Variants in KHSRP observed in about 807,000 individuals in gnomAD.
KHSRP encodes KH-type splicing regulatory protein, also known as far upstream element-binding protein 2.
A neutral mutation model predicts 94.9 loss-of-function variants in KHSRP; 13 were observed. That is an observed-to-expected ratio of 0.14 (90% confidence interval 0.09 to 0.22). The LOEUF is 0.22. Among genes scored for constraint, KHSRP ranks in the 10% least tolerant of loss-of-function variants. KHSRP has a pLI of 1.00. For synonymous variants in KHSRP, 495 were observed against 401.4 expected (o/e 1.23, Z -2.79); for missense variants, 710 against 1,010.0 (o/e 0.70, Z 4.03).
chr19:6,414,018 C>A lies in KHSRP; in HGVS notation c.*1006G>T. Reference sequence around the variant, plus strand: ...CCCCAGTACTCCCCACGGCAGCCATCGCTCTCTCGCCAAACAAAACAGAAG... The same window carrying A: ...CCCCAGTACTCCCCACGGCAGCCATAGCTCTCTCGCCAAACAAAACAGAAG... On this transcript the variant is annotated 3_prime_UTR_variant, in exon 19 of 19. Transcript: ENST00000600480. 5 of 1,493,072 alleles carry A rather than the reference C, an allele frequency of 3.3e-6. No individual in the cohort carries two copies. Among genetic ancestry groups the A allele is most frequent in the South Asian group, 1.3e-5 (1 of 77,660 alleles). The allele number at this position is 1,493,072 out of a possible 1,614,324, so 92.5% of individuals were successfully genotyped here.
chr19:6,417,198 G>A lies in KHSRP; in HGVS notation c.1082-111C>T, dbSNP rs552637900. 1.1e-4 allele frequency: 82 copies of A among 773,008 alleles called. 1 individual carries two copies. Among genetic ancestry groups the A allele is most frequent in the African/African-American group, 1.1e-3 (60 of 57,028 alleles). 47.9% of individuals were successfully genotyped at this position (773,008 alleles called of 1,614,324 possible). On this transcript the variant is annotated intron_variant, in intron 11 of 18. Coordinates refer to ENST00000600480, the MANE Select transcript of KHSRP (RefSeq NM_001366299.1). ...ACCACGCCGGCCTGAGATCTCAGAC[G>A]CGCTGCGCCGCTCCCAGCCTCCACT...
rs1298852249 is a variant in KHSRP at position 6,418,643 on chromosome 19, T to A, written c.780+59A>T. The A allele has an allele frequency of 1.9e-6, 3 of 1,612,926 alleles. No homozygotes were observed. The East Asian group carries it at 6.7e-5, about 36-fold the overall frequency. On this transcript the variant is annotated intron_variant, in intron 8 of 18. Transcript: ENST00000600480. This position sits in a 1 kb window ranked among gnomAD's most constrained non-coding sequence, Gnocchi z 4.3. The stretch of plus-strand genomic sequence containing the variant: ...CCCAGGACTTCCTGGGCTGCTGTGG[T>A]GGTGGCGGTGGGGTGTGGCACACGG...
At position 6,418,596 on chromosome 19, in the gene KHSRP, TTA is replaced by T; in HGVS notation, c.781-17_781-16del. On this transcript the variant is annotated splice_polypyrimidine_tract_variant and intron_variant, in intron 8 of 18. Transcript: ENST00000600480. The surrounding 1 kb of genome is among the most constrained non-coding windows in gnomAD (Gnocchi z 4.3). ...CCAGCGCGTTCCTTTACAAGCAAGG[TTA>T]ACCGTTAGTGCTGGGCTCTCCCAGG... The T allele has an allele frequency of 1.2e-6, 2 of 1,613,646 alleles. No individual in the cohort carries two copies. The highest frequency in any genetic ancestry group is 1.7e-6 in the Non-Finnish European group (2 of 1,179,578).
At chr19:6,420,797 C>T (rs2092190683) in intron 4 of KHSRP, among the ~76,000 whole-genome samples, 1 of 152,228 alleles carries the variant, frequency 6.6e-6, no homozygotes, top group Non-Finnish European at 1.5e-5. Flanking sequence ...TATGAAACTA[C>T]TGGCCCATTA....
chr19:6,413,361 C>A lies in KHSRP; in HGVS notation c.*1663G>T. The A allele has an allele frequency of 2.6e-6, 1 of 391,206 alleles. No individual in the cohort carries two copies. 24.2% of individuals were successfully genotyped at this position (391,206 alleles called of 1,614,324 possible). A position where few individuals can be genotyped will look rare whatever the true frequency, so the allele number is the denominator to read the frequency against. ...CCCGCAGACGGGGAGGTTTTGTTAT[C>A]ATTTATTTGTGAAGTTAAAAACGAG... On this transcript the variant is annotated 3_prime_UTR_variant, in exon 19 of 19. Transcript: ENST00000600480.
At chr19:6,421,954 C>G (rs975335642) in intron 2 of KHSRP, among the ~76,000 whole-genome samples, 6 of 152,216 alleles carry the variant, frequency 3.9e-5, no homozygotes, top group African/African-American at 4.8e-5. Context: ...GGACCTGCCT[C>G]TAGCAGGGAG....
chr19:6,421,568 T>A (rs527601873), intron 3 of KHSRP, 82 bp downstream of exon 3: 1 of 1,464,178 alleles, frequency 6.8e-7, no homozygotes, highest in East Asian at 2.3e-5. Context: ...AGCTGCCACC[T>A]CCTCAGTGCT....
chr19:6,420,238 C>A (rs544856426), intron 5 of KHSRP, 94 bp from the exon 6 acceptor site: 4 of 1,232,042 alleles, frequency 3.2e-6, no homozygotes, highest in Middle Eastern at 1.9e-4. Flanking sequence ...GCCCCTCTGA[C>A]GTTCAGGAGG....
chr19:6,414,433 G>A lies in KHSRP; in HGVS notation c.*591C>T, dbSNP rs370913316. 126 of 1,251,230 alleles carry A rather than the reference G, an allele frequency of 1.0e-4. No homozygotes were observed. In the Middle Eastern group the frequency reaches 2.2e-3, roughly 21 times the overall value. The allele number at this position is 1,251,230 out of a possible 1,614,324, so 77.5% of individuals were successfully genotyped here. A position where few individuals can be genotyped will look rare whatever the true frequency, so the allele number is the denominator to read the frequency against. On this transcript the variant is annotated 3_prime_UTR_variant, in exon 19 of 19. Coordinates refer to ENST00000600480, the MANE Select transcript of KHSRP (RefSeq NM_001366299.1). ...TCTCCGGAGGGCGGTGGCTCCCGGC[G>A]CAGCACGACGACATGAACAATCCAG...
At chr19:6,416,711 G>A in intron 13 of KHSRP, 27 bp downstream of exon 13, 3 of 1,610,736 alleles carry the variant, frequency 1.9e-6, no homozygotes, top group Non-Finnish European at 2.5e-6. Context: ...AGGGGGCAAG[G>A]GATAGGGTGC....
In KHSRP at chr19:6,415,051, G is replaced by T; in HGVS notation, c.2217C>A (p.Asn739Lys). 1 of 1,550,534 alleles carries T rather than the reference G, an allele frequency of 6.4e-7. No homozygotes were observed. Among genetic ancestry groups the T allele is most frequent in the South Asian group, 1.2e-5 (1 of 84,570 alleles). Residue 739 changes from asparagine (N) to lysine (K), a missense_variant, in exon 19 of 19, where the codon AAC becomes AAA. Around this residue, in one of 5 missense-constraint regions of KHSRP, gnomAD observed 292 missense variants for 340.5 expected, o/e 0.86. Coordinates refer to ENST00000600480, the MANE Select transcript of KHSRP (RefSeq NM_001366299.1). ...AAGGGCACACCCCGCAGGGGAAGGG[G>T]TTTCCGGCGCTACCCACTAAGGCAG... The part of the protein sequence containing the change: ...VHPALVGSAG[N>K]PFPCGVCP
chr19:6,420,278 C>G (rs1223859345), intron 5 of KHSRP, 134 bp from the exon 6 acceptor site: 1 of 1,163,008 alleles, frequency 8.6e-7, no homozygotes, highest in Non-Finnish European at 1.3e-6. Context: ...CTCCTGTCCT[C>G]TGCCCAGAGG....
chr19:6,417,983 C>A lies in KHSRP; in HGVS notation c.976G>T (p.Asp326Tyr). 1 of 1,613,838 alleles carries A rather than the reference C, an allele frequency of 6.2e-7. No individual in the cohort carries two copies. The highest frequency in any genetic ancestry group is 8.5e-7 in the Non-Finnish European group (1 of 1,179,750). Reference protein sequence around the residue: ...EYGSRIGGGIDVPVPRHSVGV... With the variant: ...EYGSRIGGGIYVPVPRHSVGV... Reference sequence around the variant, plus strand: ...GTGAAGGCAGGGCCCACACTCACATCGATGCCTCCGCCAATCCGAGATCCG... The same window carrying A: ...GTGAAGGCAGGGCCCACACTCACATAGATGCCTCCGCCAATCCGAGATCCG... Residue 326 changes from aspartate (D) to tyrosine (Y), a missense_variant and splice_region_variant, in exon 10 of 19, where the codon GAT (aspartate) becomes TAT (tyrosine). Physicochemically the swap from Asp to Tyr is radical, Grantham distance 160. Coordinates refer to ENST00000600480, the MANE Select transcript of KHSRP (RefSeq NM_001366299.1).
Position 6,416,854 on chromosome 19 carries a change from G to A in KHSRP, c.1211C>T (p.Pro404Leu), listed in dbSNP as rs929581838. ...RSGPPGPPGG[P>L]GMPPGGRGRG... ...GCCTCGGCCCCCCGGGGGCATGCCT[G>A]GACCCCCTGGAGGACCTGGGGGACC... Residue 404 changes from proline (P) to leucine (L), a missense_variant, in exon 13 of 19, where the codon CCA (proline) becomes CTA (leucine). Pro to Leu is a moderately conservative substitution (Grantham distance 98). Transcript: ENST00000600480. 8.7e-6 allele frequency: 14 copies of A among 1,604,170 alleles called. No homozygotes were observed. The highest frequency in any genetic ancestry group is 1.1e-5 in the South Asian group (1 of 90,234).
Position 6,418,982 on chromosome 19 carries a change from G to A in KHSRP, c.606-106C>T, listed in dbSNP as rs905756231. On this transcript the variant is annotated intron_variant, in intron 7 of 18. Transcript: ENST00000600480. The surrounding 1 kb of genome is among the most constrained non-coding windows in gnomAD (Gnocchi z 4.3). ...GGAAGGCGACCCCAGAGTGTGCAAG[G>A]ATGACAGGGAAGAGGGGCCAGTCAC... The A allele has an allele frequency of 2.3e-6, 3 of 1,280,694 alleles. No individual in the cohort carries two copies. Among genetic ancestry groups the A allele is most frequent in the South Asian group, 1.6e-5 (1 of 64,284 alleles). 79.3% of individuals were successfully genotyped at this position (1,280,694 alleles called of 1,614,324 possible). A position where few individuals can be genotyped will look rare whatever the true frequency, so the allele number is the denominator to read the frequency against.
At position 6,417,053 on chromosome 19, in the gene KHSRP, T is replaced by A. The variant is rs2092152694; in HGVS notation, c.1116A>T (p.Ile372=). 1 of 1,612,936 alleles carries A rather than the reference T, an allele frequency of 6.2e-7. No homozygotes were observed. The highest frequency in any genetic ancestry group is 8.5e-7 in the Non-Finnish European group (1 of 1,179,786). The part of the protein sequence containing the change: ...DGTGPEKIAH[I]MGPPDRCEHA... ...GCTCGCACCTGTCTGGGGGCCCCAT[T>A]ATATGAGCAATCTTCTCGGGCCCTG... Residue 372 remains isoleucine, a synonymous_variant, in exon 12 of 19, where the codon ATA becomes ATT. Transcript: ENST00000600480.
rs189845233 is a variant in KHSRP, at chr19:6,413,766, A to T, written c.*1258T>A. On this transcript the variant is annotated 3_prime_UTR_variant, in exon 19 of 19. Transcript: ENST00000600480. ...GGGGGGTGAAGAATAGAGACTTTTT[A>T]ATATATATATATATAATTTTATAAG... 1,046 of 150,740 alleles carry T rather than the reference A, an allele frequency of 6.9e-3. 8 individuals are homozygous for T. The highest frequency in any genetic ancestry group is 0.011 in the Non-Finnish European group (762 of 68,332). 9.3% of individuals were successfully genotyped at this position (150,740 alleles called of 1,614,324 possible).
At chr19:6,420,779 T>C (rs2092190608) in intron 4 of KHSRP, among the ~76,000 whole-genome samples, 1 of 152,238 alleles carries the variant, frequency 6.6e-6, no homozygotes, top group South Asian at 2.1e-4. Context: ...CTTATTTTCC[T>C]AGTATTTTAT....
In KHSRP at chr19:6,424,809, T is replaced by C. The variant is rs1248057524; in HGVS notation, c.-108A>G. On this transcript the variant is annotated 5_prime_UTR_variant, in exon 1 of 19. Transcript: ENST00000600480. Reference sequence around the variant, plus strand: ...CTCGCTCCACACGGCCGCGGAGCACTCTGGGAACCCAGCCGCTGGGAGGAC... The same window carrying C: ...CTCGCTCCACACGGCCGCGGAGCACCCTGGGAACCCAGCCGCTGGGAGGAC... 1.1e-5 allele frequency: 3 copies of C among 274,634 alleles called. No individual in the cohort carries two copies. The highest frequency in any genetic ancestry group is 1.7e-5 in the Non-Finnish European group (3 of 179,058). The allele number at this position is 274,634 out of a possible 1,614,324, so 17.0% of individuals were successfully genotyped here.
Sources: allele counts gnomAD v4.1 joint callset (sites outside exome capture counted in the v4.1 genomes callset), GRCh38; gene constraint gnomAD v4.1.1; regional missense constraint gnomAD v4.1.1; non-coding constraint Gnocchi (gnomAD v3.1); transcripts MANE v1.5; gene names NCBI Gene and HGNC (gene_info 2026-07-23, HGNC 2026-07-21).